The following XIRP2 variants were observed in gnomAD, a reference collection of about 807,000 sequenced individuals.
The protein encoded by XIRP2 is xin actin-binding repeat-containing protein 2.
A neutral mutation model predicts 277.0 loss-of-function variants in XIRP2; 236 were observed. The observed-to-expected ratio is 0.85, with a 90% CI of 0.77 to 0.95. The LOEUF is 0.95. Among genes scored for constraint, XIRP2 ranks in the 40% least tolerant of loss-of-function variants. XIRP2 has a pLI of 0.00. For synonymous variants in XIRP2, 1,490 were observed against 1,416.5 expected (o/e 1.05, Z -1.17); for missense variants, 4,640 against 4,157.5 (o/e 1.12, Z -3.19).
chr2:167,033,016 T>G (rs1261173239), intron 2 of XIRP2, among the ~76,000 whole-genome samples: 1 of 152,142 alleles, frequency 6.6e-6, no homozygotes, highest in East Asian at 1.9e-4. Context: ...GCAGCACTAT[T>G]TACTGTAGCA....
intron 2 of XIRP2, among the ~76,000 whole-genome samples, chr2:166,923,798 G>C (rs1380892559): frequency 1.3e-5 from 2 of 152,130 alleles, no homozygotes; most frequent in African/African-American, 4.8e-5. Flanking sequence ...TGTATCTCCT[G>C]GGAGCATCTA....
chr2:166,972,505 C>A (rs1429880183), intron 2 of XIRP2, among the ~76,000 whole-genome samples: 2 of 152,100 alleles, frequency 1.3e-5, no homozygotes, highest in African/African-American at 4.8e-5. Context: ...AAAAAATATT[C>A]TGTAAGGAAG....
intron 2 of XIRP2, among the ~76,000 whole-genome samples, chr2:166,934,065 A>G (rs1192692207): frequency 6.6e-6 from 1 of 152,036 alleles, no homozygotes; most frequent in Non-Finnish European, 1.5e-5. Flanking sequence ...CCTACCTTCT[A>G]GTATTCAAGC....
Position 167,250,948 on chromosome 2 carries a change from A to G in XIRP2, c.9556A>G (p.Lys3186Glu), listed in dbSNP as rs1373560444. 6.2e-7 allele frequency: 1 copy of G among 1,613,614 alleles called. No homozygotes were observed. Among genetic ancestry groups the G allele is most frequent in the South Asian group, 1.1e-5 (1 of 91,078 alleles). The change falls in exon 9 of 11, where the codon AAA becomes GAA. Residue 3186 changes from lysine (K) to glutamate (E), a missense_variant. Transcript: ENST00000409195. ...TCGCTCTGAACAACTTGTCAGACTC[A>G]AAGACACCACTGCAAAGTTATCCAA... is the stretch of plus-strand genomic sequence containing the variant. Reference protein sequence around the residue: ...RSRSEQLVRLKDTTAKLSKGA... With the variant: ...RSRSEQLVRLEDTTAKLSKGA...
At position 167,258,415 on chromosome 2, in the gene XIRP2, G is replaced by T; in HGVS notation, c.*598G>T. The T allele has an allele frequency of 6.2e-7, 1 of 1,613,316 alleles. No homozygotes were observed. The highest frequency in any genetic ancestry group is 8.5e-7 in the Non-Finnish European group (1 of 1,179,632). On this transcript the variant is annotated 3_prime_UTR_variant, in exon 11 of 11. Coordinates refer to ENST00000409195, the MANE Select transcript of XIRP2 (RefSeq NM_152381.6). Reference sequence around the variant, plus strand: ...TTATAGGAATCAAAGAAATGAAAATGCCTGAAGGAAGAAAAGATGAAAAGA... The same window carrying T: ...TTATAGGAATCAAAGAAATGAAAATTCCTGAAGGAAGAAAAGATGAAAAGA...
chr2:166,929,369 A>G (rs913754672), intron 2 of XIRP2, among the ~76,000 whole-genome samples: 2 of 152,112 alleles, frequency 1.3e-5, no homozygotes, highest in Non-Finnish European at 2.9e-5. Context: ...ACCTTCAGTC[A>G]CGTTGATAAG....
chr2:167,107,572 T>G (rs953542488), intron 2 of XIRP2, among the ~76,000 whole-genome samples: 1 of 151,660 alleles, frequency 6.6e-6, no homozygotes, highest in South Asian at 2.1e-4. Context: ...AGTATATACC[T>G]ATTTTGTATA....
chr2:167,060,216 A>G (rs16852920), intron 2 of XIRP2, among the ~76,000 whole-genome samples: 17,857 of 152,178 alleles, frequency 0.12, 1,930 homozygotes, highest in African/African-American at 0.28. Flanking sequence ...AGGACCAGAA[A>G]TTTATGTAAC....
intron 3 of XIRP2, among the ~76,000 whole-genome samples, chr2:167,175,476 A>T (rs1692813449): frequency 6.6e-6 from 1 of 152,160 alleles, no homozygotes; most frequent in Non-Finnish European, 1.5e-5. Context: ...GCTGCAGAAC[A>T]GCAGAGATTG....
intron 2 of XIRP2, among the ~76,000 whole-genome samples, chr2:167,023,781 T>C (rs538780177): frequency 6.6e-6 from 1 of 152,262 alleles, no homozygotes; most frequent in Non-Finnish European, 1.5e-5. Context: ...TGCGGCATTA[T>C]TTCTGAGGGA....
chr2:167,007,313 AAGTT>A (rs960570203), intron 2 of XIRP2, among the ~76,000 whole-genome samples: 2 of 151,694 alleles, frequency 1.3e-5, no homozygotes, highest in African/African-American at 4.8e-5. Flanking sequence ...AATATTTTAA[AAGTT>A]AGGGTTCCAC....
chr2:166,956,000 A>G (rs899977050), intron 2 of XIRP2, among the ~76,000 whole-genome samples: 1 of 151,736 alleles, frequency 6.6e-6, no homozygotes, highest in African/African-American at 2.4e-5. Flanking sequence ...CAGTAATCTC[A>G]TTAGGTTTGA....
intron 2 of XIRP2, among the ~76,000 whole-genome samples, chr2:167,116,103 A>C (rs751827195): frequency 6.6e-6 from 1 of 152,080 alleles, no homozygotes; most frequent in African/African-American, 2.4e-5. Flanking sequence ...AAGAATGTTT[A>C]TTTTGCCTTT....
At chr2:167,007,697 TCTCTCTCACACACA>T (rs1046686370) in intron 2 of XIRP2, among the ~76,000 whole-genome samples, 11 of 120,922 alleles carry the variant, frequency 9.1e-5, no homozygotes, top group African/African-American at 3.2e-4. Context: ...TCTCTCTCTC[TCTCTCTCACACACA>T]CACACACACA....
At chr2:166,925,106 G>A (rs1431544576) in intron 2 of XIRP2, among the ~76,000 whole-genome samples, 1 of 151,946 alleles carries the variant, frequency 6.6e-6, no homozygotes, top group African/African-American at 2.4e-5. Flanking sequence ...ACAAATAATA[G>A]GTAGTAGCTA....
At position 167,188,319 on chromosome 2, in the gene XIRP2, T is replaced by A. The variant is rs191480437; in HGVS notation, c.563-22416T>A. On this transcript the variant is annotated intron_variant, in intron 3 of 10. Transcript: ENST00000409195. The stretch of plus-strand genomic sequence containing the variant: ...AGACTGAAGTGATTTGGAAGAGACG[T>A]GATAACAGAATCTCTTAAGACACCA... Among the ~76,000 whole-genome samples, 43 of 152,318 alleles carry A rather than the reference T, an allele frequency of 2.8e-4. No individual in the cohort carries two copies. The East Asian group carries it at 8.1e-3, about 29-fold the overall frequency.
intron 2 of XIRP2, among the ~76,000 whole-genome samples, chr2:167,038,863 A>G (rs1688583726): frequency 6.6e-6 from 1 of 152,118 alleles, no homozygotes; most frequent in Non-Finnish European, 1.5e-5. Context: ...TAGACACAGA[A>G]TAAGTTCATG....
At chr2:166,917,446 T>G (rs2105353861) in intron 2 of XIRP2, among the ~76,000 whole-genome samples, 1 of 152,330 alleles carries the variant, frequency 6.6e-6, no homozygotes, top group East Asian at 1.9e-4. Context: ...TTTCACCCAC[T>G]TACATGTTTG....
chr2:167,025,799 C>T (rs868162674), intron 2 of XIRP2, among the ~76,000 whole-genome samples: 1 of 151,924 alleles, frequency 6.6e-6, no homozygotes, highest in Non-Finnish European at 1.5e-5. Flanking sequence ...TTCTAGTTTG[C>T]TTGCACTGTG....
Sources: gnomAD v4.1 joint callset for allele counts (sites outside exome capture counted in the v4.1 genomes callset) on GRCh38, gnomAD v4.1.1 for gene constraint, MANE v1.5 for transcripts, NCBI Gene and HGNC (gene_info 2026-07-23, HGNC 2026-07-21) for gene names.